The following TMEM144 variants were observed in gnomAD, a reference collection of about 807,000 sequenced individuals.
The protein encoded by TMEM144 is transmembrane protein 144.
Under a neutral mutation model 43.6 loss-of-function variants are expected in TMEM144, and 39 were observed. The ratio of observed to expected loss-of-function variants is 0.90; its 90% CI spans 0.69 to 1.17. TMEM144 has a LOEUF of 1.17. Ranked by LOEUF, TMEM144 falls within the 50% of genes most tolerant of loss-of-function variation. The pLI is 0.00. For synonymous variants in TMEM144, 154 were observed against 133.6 expected, an observed-to-expected ratio of 1.15 and a Z score of -1.06; for missense variants, 417 against 411.9, an observed-to-expected ratio of 1.01 and a Z score of -0.11.
intron 10 of TMEM144, 148 bp from the exon 11 acceptor site, chr4:158,241,361 A>C (rs947364524): frequency 1.5e-6 from 1 of 652,316 alleles, no homozygotes; most frequent in Non-Finnish European, 2.7e-6. Flanking sequence ...CTAAAATAAC[A>C]ATAAAACACA....
At chr4:158,212,586 T>C in intron 2 of TMEM144, 22 bp from the exon 3 acceptor site, 1 of 1,023,530 alleles carries the variant, frequency 9.8e-7, no homozygotes, top group Non-Finnish European at 1.4e-6. Context: ...TCTCAATTGT[T>C]TCATTTTTTC....
chr4:158,251,749 T>G (rs1194467910), intron 12 of TMEM144, among the ~76,000 whole-genome samples: 1 of 152,154 alleles, frequency 6.6e-6, no homozygotes, highest in African/African-American at 2.4e-5. Context: ...TGTTACCTTT[T>G]TCCAGGAATC....
intron 9 of TMEM144, 38 bp downstream of exon 9, chr4:158,237,681 C>T (rs745349195): frequency 7.7e-7 from 1 of 1,303,714 alleles, no homozygotes; most frequent in South Asian, 1.3e-5. Flanking sequence ...TTAATATCTA[C>T]TTTTTATGAA....
rs1020564518 is a variant in TMEM144, at chr4:158,253,606, G to C, written c.*79G>C. 8.1e-7 allele frequency: 1 copy of C among 1,235,098 alleles called. No homozygotes were observed. The highest frequency in any genetic ancestry group is 1.5e-5 in the African/African-American group (1 of 66,354). The allele number at this position is 1,235,098 out of a possible 1,614,324, so 76.5% of individuals were successfully genotyped here. A position where few individuals can be genotyped will look rare whatever the true frequency, so the allele number is the denominator to read the frequency against. ...CAGCGGAGAGATCATGCTGAGAAAA[G>C]AGTGCATTTTCATATAGCAAATGGA... On this transcript the variant is annotated 3_prime_UTR_variant, in exon 13 of 13. Coordinates refer to ENST00000296529, the MANE Select transcript of TMEM144 (RefSeq NM_018342.5).
Position 158,211,843 on chromosome 4 carries a change from A to G in TMEM144, c.-61+269A>G, listed in dbSNP as rs573052494. The G allele has an allele frequency of 2.6e-5, 4 of 152,372 alleles. No homozygotes were observed. The South Asian group carries it at 8.3e-4, about 32-fold the overall frequency. 9.4% of individuals were successfully genotyped at this position (152,372 alleles called of 1,614,324 possible). On this transcript the variant is annotated intron_variant, in intron 2 of 12. Coordinates refer to ENST00000296529, the MANE Select transcript of TMEM144 (RefSeq NM_018342.5). ...GTTAAACTATCTTTAATAATGGTAA[A>G]TAACATATTTTGTAGGTTGTTGTAT...
intron 5 of TMEM144, among the ~76,000 whole-genome samples, chr4:158,218,276 T>C (rs916022613): frequency 3.9e-5 from 6 of 152,176 alleles, no homozygotes; most frequent in African/African-American, 1.4e-4. Context: ...AACAGTCCCA[T>C]CATTACACAA....
chr4:158,225,667 A>T (rs902150370), intron 6 of TMEM144, among the ~76,000 whole-genome samples: 12 of 152,236 alleles, frequency 7.9e-5, no homozygotes, highest in Admixed American at 6.5e-4. Context: ...CATGCTAGTT[A>T]TTCGGCAGAG....
chr4:158,226,289 T>G (rs1734764333), intron 6 of TMEM144, among the ~76,000 whole-genome samples: 1 of 152,202 alleles, frequency 6.6e-6, no homozygotes. Context: ...ATTTATCCAA[T>G]TTTTAATGTT....
In TMEM144 at chr4:158,212,721, T is replaced by C. The variant is rs1423509355; in HGVS notation, c.54T>C (p.Ala18=). The part of the protein sequence containing the change: ...LTFGYISCFV[A]ILLFGSNFVP... ...TTGGTTACATCTCCTGTTTTGTAGC[T>C]ATCCTTTTGTTTGGCTCAAATTTTG... is the stretch of plus-strand genomic sequence containing the variant. Residue 18 remains alanine, a synonymous_variant, in exon 3 of 13, where the codon GCT becomes GCC. Coordinates refer to ENST00000296529, the MANE Select transcript of TMEM144 (RefSeq NM_018342.5). 1 of 1,613,880 alleles carries C rather than the reference T, an allele frequency of 6.2e-7. No homozygotes were observed. Among genetic ancestry groups the C allele is most frequent in the African/African-American group, 1.3e-5 (1 of 75,052 alleles).
chr4:158,246,595 C>T (rs1028112992), intron 12 of TMEM144, among the ~76,000 whole-genome samples: 1 of 152,042 alleles, frequency 6.6e-6, no homozygotes, highest in African/African-American at 2.4e-5. Flanking sequence ...TTATAAACCT[C>T]TAAGTTACTT....
At chr4:158,214,640 A>G (rs1734126346) in intron 3 of TMEM144, among the ~76,000 whole-genome samples, 1 of 152,212 alleles carries the variant, frequency 6.6e-6, no homozygotes, top group African/African-American at 2.4e-5. Flanking sequence ...TCTCAGGTTT[A>G]TAATGCCCGA....
intron 8 of TMEM144, 184 bp downstream of exon 8, chr4:158,235,689 G>A: frequency 2.1e-6 from 1 of 484,986 alleles, no homozygotes; most frequent in South Asian, 4.5e-5. Context: ...ATGCCCTTGA[G>A]CTCAACTGCT....
intron 11 of TMEM144, among the ~76,000 whole-genome samples, chr4:158,242,289 A>T (rs1735671103): frequency 6.6e-6 from 1 of 152,184 alleles, no homozygotes; most frequent in Non-Finnish European, 1.5e-5. Flanking sequence ...GGAATTGGTG[A>T]GGGAGTAGGT....
intron 12 of TMEM144, among the ~76,000 whole-genome samples, chr4:158,248,434 A>G (rs978932810): frequency 1.2e-4 from 19 of 152,054 alleles, no homozygotes; most frequent in Middle Eastern, 3.2e-3. Flanking sequence ...AAAATAACTA[A>G]CCACATAAAT....
chr4:158,255,304 A>ATTTTATTTAAATT lies in TMEM144; in HGVS notation c.*1778_*1779insTTTATTTAAATTT, dbSNP rs1736426152. The ATTTTATTTAAATT allele has an allele frequency of 6.6e-6, 1 of 151,810 alleles. No individual in the cohort carries two copies. The highest frequency in any genetic ancestry group is 2.4e-5 in the African/African-American group (1 of 41,402). 9.4% of individuals were successfully genotyped at this position (151,810 alleles called of 1,614,324 possible). ...CAAAAGCTATTTTTCTCATTTAAATATATTTTAGAATTTTATATTGGATAA... is the reference window on the plus strand; with the variant it reads ...CAAAAGCTATTTTTCTCATTTAAATATTTTATTTAAATTTATTTTAGAATTTTATATTGGATAA... On this transcript the variant is annotated 3_prime_UTR_variant, in exon 13 of 13. Transcript: ENST00000296529.
At position 158,253,524 on chromosome 4, in the gene TMEM144, C is replaced by A. The variant is rs770286179; in HGVS notation, c.1035C>A (p.Ile345=). The A allele has an allele frequency of 6.2e-7, 1 of 1,613,074 alleles. No homozygotes were observed. The highest frequency in any genetic ancestry group is 1.1e-5 in the South Asian group (1 of 90,988). The change falls in exon 13 of 13, where the codon ATC becomes ATA. Residue 345 remains isoleucine, a synonymous_variant. Coordinates refer to ENST00000296529, the MANE Select transcript of TMEM144 (RefSeq NM_018342.5). ...CCTTATGCACTGCTTTTTCTAAAAT[C>A]TAACAATGACAAAACCAGCAGGTGG... The part of the protein sequence containing the change: ...TGALCTAFSK[I]
Position 158,244,498 on chromosome 4 carries a change from C to T in TMEM144, c.954+149C>T, listed in dbSNP as rs906878956. On this transcript the variant is annotated intron_variant, in intron 12 of 12. Coordinates refer to ENST00000296529, the MANE Select transcript of TMEM144 (RefSeq NM_018342.5). ...CAGCCTGGCCGAGATGGTGAAACCCCGTCTCTACTAAAAATACAAAAAATT... is the reference window on the plus strand; with the variant it reads ...CAGCCTGGCCGAGATGGTGAAACCCTGTCTCTACTAAAAATACAAAAAATT... The T allele has an allele frequency of 2.3e-5, 13 of 574,448 alleles. No homozygotes were observed. In the East Asian group the frequency reaches 3.8e-4, roughly 17 times the overall value. 35.6% of individuals were successfully genotyped at this position (574,448 alleles called of 1,614,324 possible).
intron 4 of TMEM144, among the ~76,000 whole-genome samples, chr4:158,216,403 T>A (rs954055176): frequency 6.6e-6 from 1 of 152,144 alleles, no homozygotes; most frequent in Non-Finnish European, 1.5e-5. Context: ...TTGACACATA[T>A]GTGGAAATAG....
At chr4:158,217,456 T>G (rs1430772517) in intron 5 of TMEM144, 36 bp downstream of exon 5, 1 of 1,404,472 alleles carries the variant, frequency 7.1e-7, no homozygotes, top group Non-Finnish European at 1.0e-6. Flanking sequence ...TAAGATTTCC[T>G]GCATCCATAT....
Sources: gnomAD v4.1 joint callset for allele counts (sites outside exome capture counted in the v4.1 genomes callset) on GRCh38, gnomAD v4.1.1 for gene constraint, MANE v1.5 for transcripts, NCBI Gene and HGNC (gene_info 2026-07-23, HGNC 2026-07-21) for gene names.